PTPRQ: variants seen among roughly 807,000 people sequenced by gnomAD.
PTPRQ encodes the protein protein tyrosine phosphatase receptor type Q.
In PTPRQ, 199 loss-of-function variants were observed where a neutral mutation model predicts 246.0. The observed-to-expected ratio is 0.81, with a 90% CI of 0.72 to 0.91. The LOEUF (loss-of-function observed/expected upper bound fraction) is 0.91. PTPRQ is among the 40% of genes least tolerant of loss of function. The pLI is 0.00. For synonymous variants in PTPRQ, 869 were observed against 853.2 expected, an observed-to-expected ratio of 1.02 and a Z score of -0.32; for missense variants, 2,624 against 2,528.4, an observed-to-expected ratio of 1.04 and a Z score of -0.81.
intron 24 of PTPRQ, 95 bp downstream of exon 24, chr12:80,546,792 A>G: frequency 1.4e-6 from 2 of 1,420,578 alleles, no homozygotes; most frequent in Non-Finnish European, 1.9e-6. Flanking sequence ...TCATTACTTA[A>G]GAGTCTACTC....
intron 39 of PTPRQ, among the ~76,000 whole-genome samples, chr12:80,666,955 C>T (rs1464421540): frequency 1.3e-5 from 2 of 151,996 alleles, no homozygotes; most frequent in South Asian, 2.1e-4. Flanking sequence ...ACCTTTTAAA[C>T]TCCCATAGGT....
intron 25 of PTPRQ, chr12:80,586,604 C>G (rs1897628234): frequency 1.3e-5 from 2 of 152,164 alleles, no homozygotes; most frequent in Admixed American, 1.3e-4. Context: ...ATCTTCTAAT[C>G]CCTTCTCTGA....
chr12:80,495,994 T>C lies in PTPRQ; in HGVS notation c.1883-5T>C. The C allele has an allele frequency of 6.5e-7, 1 of 1,548,444 alleles. No individual in the cohort carries two copies. The highest frequency in any genetic ancestry group is 1.2e-5 in the South Asian group (1 of 83,322). ...CATTAAACAGTTTGTCTCTTGTCCT[T>C]ATAGGGTTAAAGAAATACACAAAAT... On this transcript the variant is annotated splice_region_variant and splice_polypyrimidine_tract_variant and intron_variant, in intron 12 of 44. Transcript: ENST00000644991.
intron 33 of PTPRQ, among the ~76,000 whole-genome samples, chr12:80,623,319 A>C (rs1187581102): frequency 6.6e-6 from 1 of 152,206 alleles, no homozygotes; most frequent in Non-Finnish European, 1.5e-5. Context: ...GTAGTTTGCT[A>C]CATAGATGTT....
chr12:80,664,890 G>A (rs1900738037), intron 39 of PTPRQ, among the ~76,000 whole-genome samples: 1 of 151,964 alleles, frequency 6.6e-6, no homozygotes, highest in Non-Finnish European at 1.5e-5. Flanking sequence ...TTAGAGCTCA[G>A]TACTTGAATT....
chr12:80,557,592 G>C (rs1896680727), intron 25 of PTPRQ, among the ~76,000 whole-genome samples: 1 of 151,998 alleles, frequency 6.6e-6, no homozygotes, highest in Non-Finnish European at 1.5e-5. Flanking sequence ...TTTTTAAACA[G>C]TTATGTATTA....
intron 25 of PTPRQ, among the ~76,000 whole-genome samples, chr12:80,574,293 T>A (rs1897227384): frequency 6.6e-6 from 1 of 152,188 alleles, no homozygotes. Context: ...ATTTAAACTG[T>A]GGCTGGTGGA....
chr12:80,523,256 C>T (rs10459167), intron 17 of PTPRQ, among the ~76,000 whole-genome samples: 80,641 of 151,768 alleles, frequency 0.53, 24,164 homozygotes, highest in Non-Finnish European at 0.67. Context: ...TTCTCTCTTT[C>T]CTTCTTTATT....
chr12:80,503,052 G>A (rs1894850925), intron 14 of PTPRQ, among the ~76,000 whole-genome samples: 1 of 151,748 alleles, frequency 6.6e-6, no homozygotes, highest in Non-Finnish European at 1.5e-5. Context: ...CTAATGGAAT[G>A]GGGCTTCAAA....
At position 80,605,669 on chromosome 12, in the gene PTPRQ, G is replaced by A. The variant is rs937720349; in HGVS notation, c.4731+489G>A. 4.0e-5 allele frequency among the ~76,000 whole-genome samples: 6 copies of A among 150,954 alleles called. No individual in the cohort carries two copies. In the South Asian group the frequency reaches 8.3e-4, roughly 21 times the overall value. ...AAAATAAGTGAAGCAGAACATAAAA[G>A]GTAAATGGGAATAGGGGTGTAAAAA... On this transcript the variant is annotated intron_variant, in intron 27 of 44. Coordinates refer to ENST00000644991, the MANE Select transcript of PTPRQ (RefSeq NM_001145026.2).
rs1898636891 is a variant in PTPRQ at position 80,613,612 on chromosome 12, A to T, written c.4939A>T (p.Asn1647Tyr). 2 of 1,543,300 alleles carry T rather than the reference A, an allele frequency of 1.3e-6. No homozygotes were observed. Among genetic ancestry groups the T allele is most frequent in the Middle Eastern group, 1.7e-4 (1 of 5,938 alleles). ...LESAPKDPPN[N>Y]MTFQKIPDEV... Reference sequence around the variant, plus strand: ...TTTAGCCCCAAAGGACCCACCTAACAACATGACATTTCAGAAGATACCAGA... The same window carrying T: ...TTTAGCCCCAAAGGACCCACCTAACTACATGACATTTCAGAAGATACCAGA... The change falls in exon 29 of 45, where the codon AAC becomes TAC. Residue 1647 changes from asparagine (N) to tyrosine (Y), a missense_variant. Asn to Tyr is a moderately radical substitution (Grantham distance 143, BLOSUM62 -2). Transcript: ENST00000644991.
chr12:80,656,361 C>T (rs1900433516), intron 38 of PTPRQ, among the ~76,000 whole-genome samples: 1 of 152,060 alleles, frequency 6.6e-6, no homozygotes, highest in African/African-American at 2.4e-5. Flanking sequence ...GTTATAATGA[C>T]ATCTTGTAGC....
chr12:80,447,556 C>T (rs1057396061), intron 3 of PTPRQ, among the ~76,000 whole-genome samples: 3 of 151,920 alleles, frequency 2.0e-5, no homozygotes, highest in African/African-American at 7.3e-5. Flanking sequence ...GTCCTTAATC[C>T]AGAATGTGCT....
intron 2 of PTPRQ, 54 bp downstream of exon 2, chr12:80,444,903 T>C: frequency 5.6e-6 from 8 of 1,438,262 alleles, no homozygotes; most frequent in Non-Finnish European, 7.4e-6. Flanking sequence ...GTCAGTATAA[T>C]TCTACTGGAT....
At chr12:80,558,134 T>TTTCTTTCTTTC (rs1555198022) in intron 25 of PTPRQ, among the ~76,000 whole-genome samples, 4 of 123,446 alleles carry the variant, frequency 3.2e-5, no homozygotes, top group African/African-American at 1.6e-4. Context: ...TTTTCTTTTC[T>TTTCTTTCTTTC]TTTCTTTTCT....
chr12:80,517,507 A>C (rs1178267242), intron 17 of PTPRQ, among the ~76,000 whole-genome samples: 1 of 152,290 alleles, frequency 6.6e-6, no homozygotes, highest in East Asian at 1.9e-4. Context: ...GTTATAAACA[A>C]TCCAATTATA....
At chr12:80,610,870 T>C (rs750469137) in intron 28 of PTPRQ, among the ~76,000 whole-genome samples, 7 of 150,530 alleles carry the variant, frequency 4.7e-5, no homozygotes, top group Non-Finnish European at 7.5e-5. Flanking sequence ...GTATCCGCTG[T>C]ATTTCTTTGC....
intron 37 of PTPRQ, among the ~76,000 whole-genome samples, chr12:80,651,594 C>A (rs114939959): frequency 1.6e-4 from 25 of 151,960 alleles, no homozygotes; most frequent in African/African-American, 6.0e-4. Flanking sequence ...GATAACACTG[C>A]CCAGTGTAAC....
At chr12:80,659,940 C>T (rs1900573920) in intron 39 of PTPRQ, among the ~76,000 whole-genome samples, 1 of 151,968 alleles carries the variant, frequency 6.6e-6, no homozygotes, top group South Asian at 2.1e-4. Flanking sequence ...CTCAGGATGT[C>T]AAGAACAGAT....
Sources: allele counts gnomAD v4.1 joint callset (sites outside exome capture counted in the v4.1 genomes callset), GRCh38; gene constraint gnomAD v4.1.1; transcripts MANE v1.5; gene names NCBI Gene and HGNC (gene_info 2026-07-23, HGNC 2026-07-21).